The following GET1 variants were observed in gnomAD, a reference collection of about 807,000 sequenced individuals.
The protein encoded by GET1 is congenital heart disease 5 protein.
Under a neutral mutation model 22.6 loss-of-function variants are expected in GET1, and 20 were observed. The observed-to-expected ratio is 0.89, with a 90% CI of 0.62 to 1.29. GET1 has a LOEUF of 1.29. Ranked by LOEUF, GET1 falls within the 50% of genes most tolerant of loss-of-function variation. GET1 has a pLI of 0.00. For missense variants in GET1, 209 were observed against 219.9 expected (o/e 0.95, Z 0.31); for synonymous variants, 92 against 83.8 (o/e 1.10, Z -0.53).
chr21:39,427,067 C>G (rs1027788537), intron 1 of GET1, among the ~76,000 whole-genome samples: 16 of 152,186 alleles, frequency 1.1e-4, no homozygotes, highest in Admixed American at 9.2e-4. Flanking sequence ...CACAGAGGGT[C>G]CTGGACACAG....
chr21:39,410,089 T>C, downstream of GET1: 2 of 1,600,132 alleles, frequency 1.2e-6, no homozygotes, highest in South Asian at 1.1e-5. Context: ...TCCTGTTGCC[T>C]TTTTACCCTG....
chr21:39,399,621 A>G (rs2038789381), downstream of GET1, among the ~76,000 whole-genome samples: 1 of 151,870 alleles, frequency 6.6e-6, no homozygotes, highest in Non-Finnish European at 1.5e-5. Flanking sequence ...TTGTATGTTT[A>G]GTAGAGATGG....
intron 1 of GET1, chr21:39,387,702 A>G (rs59368935): frequency 0.017 from 2,081 of 121,288 alleles, 67 homozygotes; most frequent in African/African-American, 0.11. Flanking sequence ...CCCCCCCCCC[A>G]CTTTTGCCTC....
chr21:39,409,771 T>C (rs996877038), downstream of GET1, among the ~76,000 whole-genome samples: 1 of 152,130 alleles, frequency 6.6e-6, no homozygotes, highest in Non-Finnish European at 1.5e-5. The surrounding 1 kb of genome is among the most constrained non-coding windows in gnomAD (Gnocchi z 4.2). Context: ...TTTTGTATTT[T>C]TTAGTAGAGA....
chr21:39,418,708 C>G (rs891484974), intron 1 of GET1, among the ~76,000 whole-genome samples: 2 of 151,886 alleles, frequency 1.3e-5, no homozygotes, highest in African/African-American at 4.8e-5. Context: ...CCATGTTGGT[C>G]AGGCTGGTCT....
At chr21:39,428,138 A>T (rs1298486661) in intron 1 of GET1, 1 of 1,230,688 alleles carries the variant, frequency 8.1e-7, no homozygotes, top group East Asian at 2.3e-5. Context: ...TTATGACAGA[A>T]ATTTGGTCTT....
At chr21:39,396,841 T>C in intron 4 of GET1, 25 bp from the exon 5 acceptor site, 13 of 1,612,430 alleles carry the variant, frequency 8.1e-6, no homozygotes, top group Non-Finnish European at 1.0e-5. Context: ...GTATGCGCTC[T>C]CATGGTGAAT....
At chr21:39,407,316 A>C (rs1408787632), downstream of GET1, among the ~76,000 whole-genome samples, 1 of 152,172 alleles carries the variant, frequency 6.6e-6, no homozygotes, top group East Asian at 1.9e-4. Flanking sequence ...TTGGCAAATA[A>C]TTTCTAGAGC....
At position 39,424,351 on chromosome 21, in the gene GET1, C is replaced by T. The variant is rs559340076; in HGVS notation, c.*24-3881C>T. 7.6e-4 allele frequency among the ~76,000 whole-genome samples: 116 copies of T among 152,256 alleles called. 1 individual carries two copies. The highest frequency in any genetic ancestry group is 2.7e-3 in the African/African-American group (114 of 41,554). ...TGAAAAGTAGCCTAACATGGTGGCA[C>T]ATGCCTATAGTCCTAGCTCCTCAGG... On this transcript the variant is annotated intron_variant, in intron 1 of 1. Coordinates refer to the GET1 transcript ENST00000478273.
chr21:39,394,882 T>C (rs1236286987), intron 4 of GET1, among the ~76,000 whole-genome samples: 1 of 152,056 alleles, frequency 6.6e-6, no homozygotes, highest in African/African-American at 2.4e-5. Context: ...TTTTCTTCTC[T>C]TTTCTTTTTG....
intron 1 of GET1, 105 bp downstream of exon 1, chr21:39,380,591 A>C (rs1223279642): frequency 6.6e-6 from 10 of 1,520,190 alleles, no homozygotes; most frequent in Non-Finnish European, 7.9e-6. Flanking sequence ...TGAAGGCCGT[A>C]GTAGCGTCTT....
At position 39,380,355 on chromosome 21, in the gene GET1, G is replaced by A. The variant is rs1212477627; in HGVS notation, c.-30G>A. ...TTGTGGTCCCCATGGAGCTGCCGTAGCGGACCCAGCACAGCCAGGAGCGTC... is the reference window on the plus strand; with the variant it reads ...TTGTGGTCCCCATGGAGCTGCCGTAACGGACCCAGCACAGCCAGGAGCGTC... On this transcript the variant is annotated 5_prime_UTR_variant, in exon 1 of 5. The change abolishes the stop of an existing upstream ORF in the 5' untranslated region. Transcript: ENST00000649170. The A allele has an allele frequency of 6.3e-7, 1 of 1,575,638 alleles. No individual in the cohort carries two copies. The highest frequency in any genetic ancestry group is 2.3e-5 in the East Asian group (1 of 42,838).
intron 1 of GET1, among the ~76,000 whole-genome samples, chr21:39,417,941 A>C (rs1031016151): frequency 1.3e-5 from 2 of 151,866 alleles, no homozygotes; most frequent in African/African-American, 4.8e-5. Flanking sequence ...AATTTTTTGT[A>C]TTTTTTAGTA....
At chr21:39,385,698 C>T (rs2037838596) in intron 1 of GET1, among the ~76,000 whole-genome samples, 1 of 151,362 alleles carries the variant, frequency 6.6e-6, no homozygotes, top group Non-Finnish European at 1.5e-5. Flanking sequence ...ACTACGCAGG[C>T]GTCGCAGGAC....
chr21:39,383,058 C>G lies in GET1; in HGVS notation c.102+2572C>G, dbSNP rs561293472. ...CTCCGCCTCCCGGGTTCACACCATTCTCCTGCCTCAGCCTCCCGAGTAGCT... is the reference window on the plus strand; with the variant it reads ...CTCCGCCTCCCGGGTTCACACCATTGTCCTGCCTCAGCCTCCCGAGTAGCT... On this transcript the variant is annotated intron_variant, in intron 1 of 4. Transcript: ENST00000649170. Among the ~76,000 whole-genome samples, 5 of 151,650 alleles carry G rather than the reference C, an allele frequency of 3.3e-5. No individual in the cohort carries two copies. The South Asian group carries it at 1.0e-3, about 32-fold the overall frequency.
intron 1 of GET1, among the ~76,000 whole-genome samples, chr21:39,383,043 C>T (rs139440947): frequency 4.1e-4 from 63 of 151,836 alleles, no homozygotes; most frequent in African/African-American, 1.3e-3. Context: ...CTCCGCCTCC[C>T]GGGTTCACAC....
chr21:39,397,156 G>C lies in GET1; in HGVS notation c.*217G>C, dbSNP rs182083074. The C allele has an allele frequency of 1.7e-6, 1 of 582,194 alleles. No homozygotes were observed. Among genetic ancestry groups the C allele is most frequent in the Non-Finnish European group, 3.0e-6 (1 of 329,406 alleles). The allele number at this position is 582,194 out of a possible 1,614,324, so 36.1% of individuals were successfully genotyped here. A position where few individuals can be genotyped will look rare whatever the true frequency, so the allele number is the denominator to read the frequency against. On this transcript the variant is annotated 3_prime_UTR_variant, in exon 5 of 5. Transcript: ENST00000649170. ...GCCAAGAAAGTCCAGTTTATGACAC[G>C]TATGTACTAGTGAACACCGTCCTCG...
Position 39,396,933 on chromosome 21 carries a change from C to T in GET1, c.519C>T (p.Phe173=), listed in dbSNP as rs750086295. The change falls in exon 5 of 5, where the codon TTC becomes TTT. Residue 173 remains phenylalanine, a synonymous_variant. Transcript: ENST00000649170. ...TTGTCGCTATTGTGCTTCATCCGTT[C>T]AGCTGAACAGGAGGATGGATACAGC... ...NKVVAIVLHP[F]S 2.2e-5 allele frequency: 36 copies of T among 1,614,042 alleles called. 1 individual carries two copies. The East Asian group carries it at 8.0e-4, about 36-fold the overall frequency.
chr21:39,408,599 C>G (rs187726711), downstream of GET1: 8 of 152,418 alleles, frequency 5.2e-5, no homozygotes, highest in Non-Finnish European at 1.2e-4. Context: ...TCTATCAAAC[C>G]CTGCAGTCTG....
Sources: gnomAD v4.1 joint callset for allele counts (sites outside exome capture counted in the v4.1 genomes callset) on GRCh38, gnomAD v4.1.1 for gene constraint, Gnocchi (gnomAD v3.1) non-coding constraint, MANE v1.5 for transcripts, NCBI Gene and HGNC (gene_info 2026-07-23, HGNC 2026-07-21) for gene names.